The following CDC123 variants were observed in gnomAD, a reference collection of about 807,000 sequenced individuals.
CDC123 encodes translation initiation factor eIF2 assembly protein.
A neutral mutation model predicts 54.4 loss-of-function variants in CDC123; 37 were observed. The observed-to-expected ratio is 0.68, with a 90% CI of 0.52 to 0.89. The LOEUF (loss-of-function observed/expected upper bound fraction) is 0.89. Among genes scored for constraint, CDC123 ranks in the 40% least tolerant of loss-of-function variants. The pLI, the probability that CDC123 is intolerant of heterozygous loss-of-function variation, is 0.00. For synonymous variants in CDC123, 144 were observed against 136.8 expected, an observed-to-expected ratio of 1.05 and a Z score of -0.37; for missense variants, 361 against 412.1, an observed-to-expected ratio of 0.88 and a Z score of 1.07.
At chr10:12,249,532 C>A in intron 11 of CDC123, 49 bp from the exon 12 acceptor site, 1 of 1,576,008 alleles carries the variant, frequency 6.3e-7, no homozygotes. Flanking sequence ...ACAGAATAGG[C>A]CTAAAAATAA....
chr10:12,234,215 C>T (rs1263895989), intron 7 of CDC123, among the ~76,000 whole-genome samples: 2 of 152,348 alleles, frequency 1.3e-5, no homozygotes, highest in African/African-American at 4.8e-5. Context: ...CTGCCTCAGC[C>T]TCCTTAGTAG....
intron 4 of CDC123, among the ~76,000 whole-genome samples, chr10:12,213,561 TCA>T (rs1835629626): frequency 6.6e-6 from 1 of 151,920 alleles, no homozygotes; most frequent in African/African-American, 2.4e-5. Flanking sequence ...AAAAAAAGTT[TCA>T]GTTTTTTTTT....
intron 9 of CDC123, among the ~76,000 whole-genome samples, 158 bp from the exon 10 acceptor site, chr10:12,238,299 G>A (rs1836005712): frequency 6.6e-6 from 1 of 152,162 alleles, no homozygotes; most frequent in Non-Finnish European, 1.5e-5. Flanking sequence ...ATTGCAGGAT[G>A]CCTTTTTATG....
At chr10:12,243,001 G>C (rs1836080017) in intron 10 of CDC123, among the ~76,000 whole-genome samples, 1 of 151,974 alleles carries the variant, frequency 6.6e-6, no homozygotes, top group South Asian at 2.1e-4. Context: ...AGTTACAGCT[G>C]GGTTTTTTTT....
intron 6 of CDC123, among the ~76,000 whole-genome samples, chr10:12,222,895 CTTT>C (rs61138851): frequency 2.1e-5 from 3 of 146,154 alleles, no homozygotes; most frequent in Non-Finnish European, 4.5e-5. Flanking sequence ...CATTTGTCCT[CTTT>C]TTTTTTTTTT....
At chr10:12,214,977 C>CT (rs960872806) in intron 4 of CDC123, among the ~76,000 whole-genome samples, 35 of 152,116 alleles carry the variant, frequency 2.3e-4, no homozygotes, top group African/African-American at 7.7e-4. Flanking sequence ...TCTTACTTAC[C>CT]TTTTTTTCTT....
chr10:12,225,615 GT>G (rs910230289), intron 6 of CDC123, among the ~76,000 whole-genome samples: 91 of 152,134 alleles, frequency 6.0e-4, no homozygotes, highest in African/African-American at 2.2e-3. Context: ...GGCCTGACAA[GT>G]TGTCTACAGA....
At chr10:12,202,121 A>G (rs987263177) in intron 2 of CDC123, among the ~76,000 whole-genome samples, 1 of 152,194 alleles carries the variant, frequency 6.6e-6, no homozygotes, top group Non-Finnish European at 1.5e-5. Context: ...AATTTTAAGT[A>G]TAATTTAAAT....
intron 4 of CDC123, 143 bp from the exon 5 acceptor site, chr10:12,215,597 G>A: frequency 2.3e-6 from 1 of 442,040 alleles, no homozygotes; most frequent in Non-Finnish European, 4.1e-6. Flanking sequence ...ATTTTATTTA[G>A]CTGGGTTCAG....
rs1588669391 is a variant in CDC123, at chr10:12,203,710, G to A, written c.146+4934G>A. Among the ~76,000 whole-genome samples, 3 of 152,144 alleles carry A rather than the reference G, an allele frequency of 2.0e-5. No individual in the cohort carries two copies. The East Asian group carries it at 5.8e-4, about 29-fold the overall frequency. ...ATACTAGCGTAACAAGATGAGCAGG[G>A]CATCCTACCGTAGGAGTCTAGGCTT... On this transcript the variant is annotated intron_variant, in intron 2 of 12. Transcript: ENST00000281141.
intron 10 of CDC123, among the ~76,000 whole-genome samples, chr10:12,238,735 C>A (rs1836013030): frequency 6.6e-6 from 1 of 151,770 alleles, no homozygotes; most frequent in Non-Finnish European, 1.5e-5. Context: ...AAAAATTAGC[C>A]CAGGCCAGGC....
intron 10 of CDC123, 89 bp downstream of exon 10, chr10:12,238,574 C>T (rs1195699636): frequency 6.8e-7 from 1 of 1,476,760 alleles, no homozygotes; most frequent in African/African-American, 1.4e-5. Context: ...TGTGAAGGAT[C>T]CATGCTCAAA....
intron 10 of CDC123, chr10:12,244,822 A>T (rs1836109181): frequency 6.6e-6 from 1 of 151,998 alleles, no homozygotes; most frequent in South Asian, 2.1e-4. Context: ...CAGCCTGGCC[A>T]ACATGGTAAG....
chr10:12,200,819 A>C (rs1835429242), intron 2 of CDC123, among the ~76,000 whole-genome samples: 1 of 152,060 alleles, frequency 6.6e-6, no homozygotes, highest in Non-Finnish European at 1.5e-5. Flanking sequence ...TCTGATTCCT[A>C]CTACTCGGGA....
chr10:12,237,705 A>T (rs1417392627), intron 9 of CDC123, among the ~76,000 whole-genome samples: 4 of 152,162 alleles, frequency 2.6e-5, no homozygotes, highest in African/African-American at 9.7e-5. Context: ...GTGTGCTGGG[A>T]TTACAGATGT....
chr10:12,228,568 G>A (rs1835858998), intron 6 of CDC123, among the ~76,000 whole-genome samples: 1 of 151,756 alleles, frequency 6.6e-6, no homozygotes, highest in African/African-American at 2.4e-5. Flanking sequence ...ACCAGGCCTG[G>A]CTAATGTTTT....
At position 12,196,211 on chromosome 10, in the gene CDC123, G is replaced by T; in HGVS notation, c.-35G>T. 1.2e-6 allele frequency: 2 copies of T among 1,613,766 alleles called. No homozygotes were observed. The highest frequency in any genetic ancestry group is 1.7e-6 in the Non-Finnish European group (2 of 1,179,960). On this transcript the variant is annotated 5_prime_UTR_variant, in exon 1 of 13. It adds an upstream start codon to the 5' untranslated region. Coordinates refer to ENST00000281141, the MANE Select transcript of CDC123 (RefSeq NM_006023.3). ...CCAGAGTTCCGGGAGGGTGCAGGCA[G>T]GAGAGGGAAAGGCAGCAGCGGCGGC...
At chr10:12,210,061 T>C in intron 3 of CDC123, 37 bp downstream of exon 3, 1 of 1,600,802 alleles carries the variant, frequency 6.2e-7, no homozygotes, top group Non-Finnish European at 8.6e-7. Flanking sequence ...CTGTAGACTG[T>C]TGTAATTTAA....
chr10:12,246,022 A>G, intron 10 of CDC123, 127 bp from the exon 11 acceptor site: 2 of 988,728 alleles, frequency 2.0e-6, no homozygotes, highest in Non-Finnish European at 3.0e-6. Context: ...GTGAGCCGTG[A>G]TCACACCAGT....
Sources: gnomAD v4.1 joint callset for allele counts (sites outside exome capture counted in the v4.1 genomes callset) on GRCh38, gnomAD v4.1.1 for gene constraint, MANE v1.5 for transcripts, NCBI Gene and HGNC (gene_info 2026-07-23, HGNC 2026-07-21) for gene names.